The following RBFOX1 variants were observed in gnomAD, a reference collection of about 807,000 sequenced individuals.
RBFOX1 encodes RNA binding fox-1 homolog 1, also known as RNA binding protein fox-1 homolog 1.
RBFOX1 carries 8 observed loss-of-function variants against 57.7 expected under a neutral mutation model. The ratio of observed to expected loss-of-function variants is 0.14; its 90% CI spans 0.08 to 0.25. The LOEUF is 0.25. Ranked by LOEUF, RBFOX1 falls within the 10% of genes least tolerant of loss-of-function variation. The pLI, the probability that RBFOX1 is intolerant of heterozygous loss-of-function variation, is 1.00. For missense variants in RBFOX1, 611 were observed against 548.5 expected, an observed-to-expected ratio of 1.11 and a Z score of -1.14; for synonymous variants, 326 against 222.4, an observed-to-expected ratio of 1.47 and a Z score of -4.15.
chr16:7,025,848 G>T (rs943656684), intron 3 of RBFOX1, among the ~76,000 whole-genome samples: 1 of 152,124 alleles, frequency 6.6e-6, no homozygotes, highest in African/African-American at 2.4e-5. Flanking sequence ...CCAGGTCAGG[G>T]ATTCAAAGCT....
intron 2 of RBFOX1, among the ~76,000 whole-genome samples, chr16:6,448,984 C>T (rs961365378): frequency 3.3e-5 from 5 of 152,118 alleles, no homozygotes; most frequent in African/African-American, 9.7e-5. Context: ...TGTGTGGATG[C>T]TTTTATATAA....
At chr16:7,697,663 C>T (rs560825753) in intron 14 of RBFOX1, among the ~76,000 whole-genome samples, 113 of 152,192 alleles carry the variant, frequency 7.4e-4, no homozygotes, top group African/African-American at 2.1e-3. Context: ...AGTAGCTTGC[C>T]CAGTCACACT....
At chr16:5,440,870 C>G (rs756887917) in intron 1 of RBFOX1, among the ~76,000 whole-genome samples, 1 of 152,160 alleles carries the variant, frequency 6.6e-6, no homozygotes, top group African/African-American at 2.4e-5. Flanking sequence ...CTATTTGAGG[C>G]TATTGAGGTC....
chr16:5,888,441 C>T (rs1001587007), intron 4 of RBFOX1, among the ~76,000 whole-genome samples: 6 of 152,142 alleles, frequency 3.9e-5, no homozygotes, highest in African/African-American at 1.4e-4. Flanking sequence ...GTCTAAGTCA[C>T]AGTGTCCTGC....
chr16:6,935,683 G>C (rs1041537856), intron 3 of RBFOX1, among the ~76,000 whole-genome samples: 1 of 152,164 alleles, frequency 6.6e-6, no homozygotes, highest in African/African-American at 2.4e-5. Flanking sequence ...CTTATTCAAA[G>C]GGTGATTAGG....
intron 4 of RBFOX1, among the ~76,000 whole-genome samples, chr16:7,166,829 G>T (rs2079604057): frequency 6.6e-6 from 1 of 152,090 alleles, no homozygotes; most frequent in African/African-American, 2.4e-5. Context: ...ATCTCTCCCA[G>T]GTTGTGAAAC....
intron 3 of RBFOX1, among the ~76,000 whole-genome samples, chr16:5,697,816 C>T (rs763624066): frequency 1.3e-5 from 2 of 152,104 alleles, no homozygotes; most frequent in Non-Finnish European, 2.9e-5. Context: ...CTTTTTCCAT[C>T]CCTGACATTA....
chr16:7,688,457 C>G (rs1324423561), intron 14 of RBFOX1, among the ~76,000 whole-genome samples: 3 of 151,984 alleles, frequency 2.0e-5, no homozygotes, highest in Non-Finnish European at 4.4e-5. Flanking sequence ...GGAATGTTTA[C>G]GTCCCACCTG....
chr16:7,315,131 T>C (rs1164366795), intron 4 of RBFOX1, among the ~76,000 whole-genome samples: 4 of 152,082 alleles, frequency 2.6e-5, no homozygotes, highest in Admixed American at 2.0e-4. Context: ...ACTTGTGTTT[T>C]CTTAATTATG....
intron 5 of RBFOX1, among the ~76,000 whole-genome samples, chr16:7,529,050 G>C (rs1168572497): frequency 6.6e-6 from 1 of 152,162 alleles, no homozygotes; most frequent in South Asian, 2.1e-4. Context: ...CTTGAGGCCA[G>C]TGATTCAAGA....
chr16:6,034,705 T>C (rs975679635), intron 1 of RBFOX1, among the ~76,000 whole-genome samples: 1 of 152,188 alleles, frequency 6.6e-6, no homozygotes, highest in Non-Finnish European at 1.5e-5. Flanking sequence ...GCAGTTCTTG[T>C]CATTGCTGTT....
At chr16:6,475,589 A>G (rs1310171485) in intron 2 of RBFOX1, among the ~76,000 whole-genome samples, 3 of 152,232 alleles carry the variant, frequency 2.0e-5, no homozygotes, top group Non-Finnish European at 2.9e-5. Flanking sequence ...CAAGTCCACT[A>G]TAAATCGTAT....
intron 3 of RBFOX1, among the ~76,000 whole-genome samples, chr16:6,977,623 C>T (rs8056681): frequency 0.035 from 5,397 of 152,180 alleles, 343 homozygotes; most frequent in African/African-American, 0.12. Flanking sequence ...AGCTTCCAAA[C>T]GGCAGGCCCC....
At chr16:6,805,366 C>G (rs12443558) in intron 3 of RBFOX1, among the ~76,000 whole-genome samples, 31,827 of 152,086 alleles carry the variant, frequency 0.21, 4,345 homozygotes, top group Non-Finnish European at 0.3. Context: ...CAGAGGGGAA[C>G]AGCAGACTTT....
intron 3 of RBFOX1, among the ~76,000 whole-genome samples, chr16:6,818,473 G>C (rs745711820): frequency 1.3e-5 from 2 of 152,104 alleles, no homozygotes; most frequent in Non-Finnish European, 2.9e-5. Context: ...AGAGTTTTAT[G>C]AGTGAGTAAA....
intron 2 of RBFOX1, among the ~76,000 whole-genome samples, chr16:6,336,133 A>T (rs1210483268): frequency 1.6e-5 from 2 of 127,094 alleles, no homozygotes; most frequent in Non-Finnish European, 3.2e-5. Flanking sequence ...TGATATATAT[A>T]TATTCATATA....
At chr16:7,572,376 A>G (rs991226976) in intron 5 of RBFOX1, among the ~76,000 whole-genome samples, 3 of 152,198 alleles carry the variant, frequency 2.0e-5, no homozygotes, top group African/African-American at 4.8e-5. Context: ...AGAACTTACC[A>G]CGGACTCCAG....
At chr16:5,669,953 C>G (rs963874805) in intron 3 of RBFOX1, among the ~76,000 whole-genome samples, 2 of 152,168 alleles carry the variant, frequency 1.3e-5, no homozygotes, top group African/African-American at 4.8e-5. Flanking sequence ...CGAGGGAAGA[C>G]TAGATAAACA....
chr16:7,034,853 T>TTTTTATTTATTTA (rs2043910962), intron 3 of RBFOX1, among the ~76,000 whole-genome samples: 1 of 65,280 alleles, frequency 1.5e-5, no homozygotes, highest in African/African-American at 7.5e-5. Context: ...TTTTTCTTTT[T>TTTTTATTTATTTA]TTTTTTTTTT....
Sources: gnomAD v4.1 joint callset for allele counts (sites outside exome capture counted in the v4.1 genomes callset) on GRCh38, gnomAD v4.1.1 for gene constraint, MANE v1.5 for transcripts, NCBI Gene and HGNC (gene_info 2026-07-23, HGNC 2026-07-21) for gene names.